PDE1C: variants seen among roughly 807,000 people sequenced by gnomAD.
PDE1C encodes phosphodiesterase 1C, also known as dual specificity calcium/calmodulin-dependent 3',5'-cyclic nucleotide phosphodiesterase 1C.
Under a neutral mutation model 93.1 loss-of-function variants are expected in PDE1C, and 62 were observed. The observed-to-expected ratio is 0.67, with a 90% confidence interval of 0.54 to 0.82. The LOEUF is 0.82. Ranked by LOEUF, PDE1C falls within the 40% of genes least tolerant of loss-of-function variation. The probability of loss-of-function intolerance (pLI) is 0.00; values close to 1 mark genes in which losing one functional copy is unlikely to be tolerated. For synonymous variants in PDE1C, 325 were observed against 310.1 expected (o/e 1.05, Z -0.50); for missense variants, 742 against 884.6 (o/e 0.84, Z 2.04).
chr7:32,367,840 G>A (rs1047387353), intron 1 of PDE1C, among the ~76,000 whole-genome samples: 6 of 151,992 alleles, frequency 3.9e-5, no homozygotes, highest in Non-Finnish European at 7.4e-5. Flanking sequence ...CTACTCAGGA[G>A]GCTGAGGTAG....
In PDE1C at chr7:31,814,391, T is replaced by C. The variant is rs1395949890; in HGVS notation, c.1813+1533A>G. Among the ~76,000 whole-genome samples, 3 of 151,766 alleles carry C rather than the reference T, an allele frequency of 2.0e-5. No individual in the cohort carries two copies. The East Asian group carries it at 5.8e-4, about 30-fold the overall frequency. The stretch of plus-strand genomic sequence containing the variant: ...AATCTCCAGAAGGGGGCAGGACGAG[T>C]CGGGACAATGGCCTTCTGTGCCTCC... On this transcript the variant is annotated intron_variant, in intron 15 of 17. Coordinates refer to ENST00000396191, the MANE Select transcript of PDE1C (RefSeq NM_001191057.4).
At chr7:32,338,360 A>G (rs751833782) in intron 1 of PDE1C, among the ~76,000 whole-genome samples, 1 of 152,224 alleles carries the variant, frequency 6.6e-6, no homozygotes, top group South Asian at 2.1e-4. Context: ...ATGGTCAACA[A>G]GCACATGAAA....
intron 2 of PDE1C, among the ~76,000 whole-genome samples, chr7:31,953,605 T>C (rs1490739421): frequency 6.6e-6 from 1 of 152,154 alleles, no homozygotes; most frequent in Non-Finnish European, 1.5e-5. Flanking sequence ...CCAGAGAAAA[T>C]ATCTATTCAT....
chr7:32,349,026 T>C (rs970818252), intron 1 of PDE1C, among the ~76,000 whole-genome samples: 1 of 152,210 alleles, frequency 6.6e-6, no homozygotes, highest in African/African-American at 2.4e-5. Context: ...ACAGAGGGTG[T>C]CTAGCCATCA....
At chr7:32,418,481 A>G (rs1405614678) in intron 1 of PDE1C, among the ~76,000 whole-genome samples, 1 of 152,196 alleles carries the variant, frequency 6.6e-6, no homozygotes, top group Non-Finnish European at 1.5e-5. Context: ...GTTCCTATGA[A>G]ATATAATGAT....
intron 1 of PDE1C, among the ~76,000 whole-genome samples, chr7:32,230,724 A>C (rs1398234128): frequency 6.6e-6 from 1 of 152,108 alleles, no homozygotes; most frequent in Non-Finnish European, 1.5e-5. Context: ...CCCTATCTAC[A>C]GCTGGTTAGG....
intron 16 of PDE1C, among the ~76,000 whole-genome samples, chr7:31,799,737 G>T (rs1785759750): frequency 6.6e-6 from 1 of 151,644 alleles, no homozygotes; most frequent in Non-Finnish European, 1.5e-5. Context: ...ACAGTTATTT[G>T]TTCTATGCAA....
At chr7:31,694,387 A>AACACACACACACACAAAC in the PDE1C span, among the ~76,000 whole-genome samples, 573 of 141,674 alleles carry the variant, frequency 4.0e-3, 6 homozygotes, top group African/African-American at 0.014. Flanking sequence ...CTCTCTCTCA[A>AACACACACACACACAAAC]ACACACACAC....
At chr7:31,758,434 T>C (rs1322744945) in intron 17 of PDE1C, among the ~76,000 whole-genome samples, 1 of 152,212 alleles carries the variant, frequency 6.6e-6, no homozygotes, top group East Asian at 1.9e-4. Flanking sequence ...GAGTACCTAT[T>C]GTGTGCTATT....
intron 2 of PDE1C, among the ~76,000 whole-genome samples, chr7:32,021,330 G>T (rs936247049): frequency 2.0e-5 from 3 of 152,070 alleles, no homozygotes; most frequent in African/African-American, 7.2e-5. Flanking sequence ...ACTTCTGACA[G>T]CTTTGTAAAC....
intron 3 of PDE1C, among the ~76,000 whole-genome samples, chr7:32,136,784 C>T (rs1800235034): frequency 6.6e-6 from 1 of 152,184 alleles, no homozygotes; most frequent in African/African-American, 2.4e-5. Context: ...ATCTACACTA[C>T]ATCATAATTA....
intron 2 of PDE1C, among the ~76,000 whole-genome samples, chr7:32,203,653 T>C (rs1805192128): frequency 6.6e-6 from 1 of 152,168 alleles, no homozygotes. Flanking sequence ...TAGTCCCCCA[T>C]TATCCGAGGG....
intron 1 of PDE1C, among the ~76,000 whole-genome samples, chr7:32,331,546 G>T (rs1783514996): frequency 1.3e-5 from 2 of 152,180 alleles, no homozygotes; most frequent in Non-Finnish European, 2.9e-5. Context: ...CACTGTGGCT[G>T]CCATGAAGAG....
At chr7:31,667,520 G>A in the PDE1C span, among the ~76,000 whole-genome samples, 2 of 152,154 alleles carry the variant, frequency 1.3e-5, no homozygotes, top group Non-Finnish European at 2.9e-5. Flanking sequence ...CCCGTGCTAT[G>A]CTGGGCACCG....
chr7:32,233,100 G>A (rs1807823368), intron 1 of PDE1C, among the ~76,000 whole-genome samples: 1 of 152,086 alleles, frequency 6.6e-6, no homozygotes, highest in African/African-American at 2.4e-5. Flanking sequence ...AGAATTATAT[G>A]ACAAACACTT....
At chr7:32,017,498 G>C (rs533371373) in intron 2 of PDE1C, among the ~76,000 whole-genome samples, 1 of 152,036 alleles carries the variant, frequency 6.6e-6, no homozygotes, top group Non-Finnish European at 1.5e-5. Context: ...CTTGATAAAC[G>C]GGTCTATATC....
intron 1 of PDE1C, among the ~76,000 whole-genome samples, chr7:32,271,192 A>T (rs1810939458): frequency 6.6e-6 from 1 of 152,190 alleles, no homozygotes; most frequent in African/African-American, 2.4e-5. Flanking sequence ...GTTAAATCAG[A>T]TAACTTTTGA....
intron 1 of PDE1C, among the ~76,000 whole-genome samples, chr7:32,221,178 C>T (rs1806831368): frequency 6.6e-6 from 1 of 152,218 alleles, no homozygotes; most frequent in Non-Finnish European, 1.5e-5. Context: ...GCCCCAAGGC[C>T]TTTACCCACA....
the PDE1C span, among the ~76,000 whole-genome samples, chr7:31,708,903 C>G: frequency 6.6e-6 from 1 of 152,210 alleles, no homozygotes; most frequent in Non-Finnish European, 1.5e-5. Context: ...GCTCCCACTT[C>G]TGATGCCCCA....
Sources: gnomAD v4.1 joint callset for allele counts (sites outside exome capture counted in the v4.1 genomes callset) on GRCh38, gnomAD v4.1.1 for gene constraint, MANE v1.5 for transcripts, NCBI Gene and HGNC (gene_info 2026-07-23, HGNC 2026-07-21) for gene names.